The following CCDC3 variants were observed in gnomAD, a reference collection of about 807,000 sequenced individuals.
CCDC3 encodes the protein coiled-coil domain-containing protein 3.
In CCDC3, 24 loss-of-function variants were observed where a neutral mutation model predicts 21.4. The observed-to-expected ratio is 1.12, with a 90% CI of 0.81 to 1.58. The LOEUF is 1.58. CCDC3 is among the 40% of genes most tolerant of loss of function. The probability of loss-of-function intolerance (pLI) is 0.00; values close to 1 mark genes in which losing one functional copy is unlikely to be tolerated. For synonymous variants in CCDC3, 186 were observed against 166.0 expected, an observed-to-expected ratio of 1.12 and a Z score of -0.93; for missense variants, 425 against 360.9, an observed-to-expected ratio of 1.18 and a Z score of -1.44.
At chr10:13,054,841 A>G (rs61262702) in intron 4 of CCDC3, among the ~76,000 whole-genome samples, 23,786 of 152,028 alleles carry the variant, frequency 0.16, 1,947 homozygotes, top group Middle Eastern at 0.26. Context: ...TAATTTTTGT[A>G]TTTTTAGTAG....
intron 1 of CCDC3, among the ~76,000 whole-genome samples, chr10:12,999,121 T>A (rs1835808957): frequency 6.6e-6 from 1 of 152,056 alleles, no homozygotes; most frequent in Admixed American, 6.6e-5. Flanking sequence ...ACACCTGTAA[T>A]CCCAGTTACT....
At position 13,024,798 on chromosome 10, in the gene CCDC3, T is replaced by C. The variant is rs150343388; in HGVS notation, c.-2+24876A>G. Among the ~76,000 whole-genome samples the C allele has an allele frequency of 2.2e-3, 331 of 152,274 alleles. 1 individual carries two copies. The highest frequency in any genetic ancestry group is 7.5e-3 in the African/African-American group (311 of 41,560). On this transcript the variant is annotated intron_variant, in intron 5 of 6. Transcript: ENST00000378839. ...AGGTCCACAAGTTTATTAGGTATGT[T>C]TTCTATTTCCCATATTACCAAGGCA...
intron 2 of CCDC3, among the ~76,000 whole-genome samples, chr10:12,904,534 A>C (rs1367488890): frequency 6.9e-6 from 1 of 144,630 alleles, no homozygotes; most frequent in African/African-American, 2.5e-5. Context: ...CTCTATCCTT[A>C]GGACCACAGG....
chr10:13,028,836 C>T (rs1213854908), intron 5 of CCDC3, among the ~76,000 whole-genome samples: 2 of 152,190 alleles, frequency 1.3e-5, no homozygotes, highest in Admixed American at 6.5e-5. Context: ...CAAGCTTCTG[C>T]CTCTTGAGAA....
At chr10:13,058,146 T>C in intron 4 of CCDC3, 1 of 889,416 alleles carries the variant, frequency 1.1e-6, no homozygotes, top group Non-Finnish European at 1.9e-6. Flanking sequence ...GGGAATCATT[T>C]GGTATTGCGA....
At chr10:13,083,927 G>A (rs1047566918) in intron 3 of CCDC3, among the ~76,000 whole-genome samples, 2 of 152,152 alleles carry the variant, frequency 1.3e-5, no homozygotes, top group Non-Finnish European at 2.9e-5. Context: ...AAATAACCTT[G>A]CTGAGAAAAC....
intron 2 of CCDC3, among the ~76,000 whole-genome samples, chr10:12,941,376 A>G (rs906782724): frequency 1.3e-5 from 2 of 148,170 alleles, no homozygotes; most frequent in African/African-American, 4.8e-5. Context: ...TGGAGAAGCC[A>G]TTCTTTTATT....
chr10:12,930,233 A>G (rs1449732855), intron 2 of CCDC3, among the ~76,000 whole-genome samples: 1 of 152,014 alleles, frequency 6.6e-6, no homozygotes, highest in Non-Finnish European at 1.5e-5. Context: ...CAGTTTCTCT[A>G]GGAAATGATG....
chr10:12,988,031 C>G (rs867179028), intron 2 of CCDC3, among the ~76,000 whole-genome samples: 1 of 152,152 alleles, frequency 6.6e-6, no homozygotes, highest in Admixed American at 6.5e-5. Context: ...AGGCTCATCA[C>G]GTCTCACCAC....
At chr10:13,016,366 T>C (rs1389966629) in intron 5 of CCDC3, among the ~76,000 whole-genome samples, 2 of 151,758 alleles carry the variant, frequency 1.3e-5, no homozygotes, top group Non-Finnish European at 2.9e-5. Flanking sequence ...AACTTTCTTT[T>C]ACATTTGAAT....
Position 12,951,804 on chromosome 10 carries a change from C to CAAAAAAAAAAAAAAAAAAA in CCDC3, c.549+46515_549+46533dup, listed in dbSNP as rs71924811. ...TGGACAACAGAGTGAGACTTCATCT[C>CAAAAAAAAAAAAAAAAAAA]AAAAAAAAAAAAAAAAAAAAAAAGT... On this transcript the variant is annotated intron_variant, in intron 2 of 2. Transcript: ENST00000378825. Among the ~76,000 whole-genome samples the CAAAAAAAAAAAAAAAAAAA allele has an allele frequency of 2.1e-4, 13 of 60,492 alleles. 1 individual carries two copies. The highest frequency in any genetic ancestry group is 1.0e-3 in the African/African-American group (13 of 12,770). The allele number at this position is 60,492 out of a possible 152,430, so 39.7% of individuals were successfully genotyped here. A position where few individuals can be genotyped will look rare whatever the true frequency, so the allele number is the denominator to read the frequency against.
At chr10:13,047,678 T>G (rs1199005655) in intron 5 of CCDC3, among the ~76,000 whole-genome samples, 3 of 152,284 alleles carry the variant, frequency 2.0e-5, no homozygotes, top group Admixed American at 6.5e-5. Context: ...AACTGCAAGC[T>G]GGATCTCCAT....
chr10:13,058,480 T>C lies in CCDC3; in HGVS notation c.-269-8539A>G, dbSNP rs1197269441. The C allele has an allele frequency of 5.3e-6, 4 of 753,044 alleles. No individual in the cohort carries two copies. The East Asian group carries it at 9.8e-5, about 18-fold the overall frequency. 46.6% of individuals were successfully genotyped at this position (753,044 alleles called of 1,614,324 possible). ...CTATCATATCCCCCTCAATATGGCC[T>C]AAGCAATCTGACAAATGATATCTCT... is the stretch of plus-strand genomic sequence containing the variant. On this transcript the variant is annotated intron_variant, in intron 4 of 6. Coordinates refer to the CCDC3 transcript ENST00000378839.
At chr10:12,943,716 T>A (rs900508941) in intron 2 of CCDC3, among the ~76,000 whole-genome samples, 2 of 152,196 alleles carry the variant, frequency 1.3e-5, no homozygotes, top group African/African-American at 2.4e-5. Context: ...CTGGGCCCTA[T>A]GTAAATCAGA....
intron 2 of CCDC3, among the ~76,000 whole-genome samples, chr10:12,945,755 G>A (rs985887602): frequency 1.3e-5 from 2 of 152,046 alleles, no homozygotes; most frequent in African/African-American, 4.8e-5. Flanking sequence ...TTTGCTCTTC[G>A]ATTAAGAAAA....
rs1018750711 is a variant in CCDC3 at position 13,081,125 on chromosome 10, G to A, written c.-502-7025C>T. On this transcript the variant is annotated intron_variant, in intron 3 of 6. Coordinates refer to the CCDC3 transcript ENST00000378839. ...CAACTAAGTAAACATTTTTAAAAAA[G>A]GAAATTTCTCAACAAGAAGACACTA... Among the ~76,000 whole-genome samples, 19 of 139,006 alleles carry A rather than the reference G, an allele frequency of 1.4e-4. No individual in the cohort carries two copies. In the South Asian group the frequency reaches 1.6e-3, roughly 11 times the overall value. The allele number at this position is 139,006 out of a possible 152,430, so 91.2% of individuals were successfully genotyped here.
intron 2 of CCDC3, among the ~76,000 whole-genome samples, chr10:12,973,793 G>C (rs1034369574): frequency 2.6e-5 from 4 of 152,130 alleles, no homozygotes; most frequent in African/African-American, 9.7e-5. Context: ...CCTGACCCAG[G>C]TTTTATATCC....
intron 2 of CCDC3, among the ~76,000 whole-genome samples, chr10:12,942,601 C>T (rs1018517646): frequency 2.0e-5 from 3 of 152,168 alleles, no homozygotes; most frequent in African/African-American, 7.2e-5. Context: ...AGTAATGAAG[C>T]AGGCAACATG....
intron 2 of CCDC3, among the ~76,000 whole-genome samples, chr10:12,954,140 T>C (rs1250558791): frequency 1.3e-5 from 2 of 152,222 alleles, no homozygotes; most frequent in East Asian, 1.9e-4. Context: ...TTTAACTAGT[T>C]GATCAGATGT....
Sources: gnomAD v4.1 joint callset for allele counts (sites outside exome capture counted in the v4.1 genomes callset) on GRCh38, gnomAD v4.1.1 for gene constraint, MANE v1.5 for transcripts, NCBI Gene and HGNC (gene_info 2026-07-23, HGNC 2026-07-21) for gene names.